Variants in KCNB2 observed in about 807,000 individuals in gnomAD.
KCNB2 encodes potassium voltage-gated channel subfamily B member 2, also known as delayed rectifier potassium channel protein.
Under a neutral mutation model 61.5 loss-of-function variants are expected in KCNB2, and 15 were observed. The ratio of observed to expected loss-of-function variants is 0.24; its 90% CI spans 0.16 to 0.38. The LOEUF (loss-of-function observed/expected upper bound fraction) is 0.38. Ranked by LOEUF, KCNB2 falls within the 10% of genes least tolerant of loss-of-function variation. The pLI is 1.00. For synonymous variants in KCNB2, 457 were observed against 446.0 expected, an observed-to-expected ratio of 1.02 and a Z score of -0.31; for missense variants, 828 against 1,125.2, an observed-to-expected ratio of 0.74 and a Z score of 3.78.
In KCNB2 at chr8:72,708,370, C is replaced by A. The variant is rs189892463; in HGVS notation, c.579+140057C>A. ...TGCAATTGTTGGACAAACAGCTAAG[C>A]GCTCGTGGAGGTGAATCTGCAATTT... On this transcript the variant is annotated intron_variant, in intron 2 of 2. Transcript: ENST00000523207. 7.2e-5 allele frequency among the ~76,000 whole-genome samples: 11 copies of A among 152,280 alleles called. No homozygotes were observed. In the East Asian group the frequency reaches 2.1e-3, roughly 29 times the overall value.
chr8:72,777,488 A>G (rs1056731196), intron 2 of KCNB2, among the ~76,000 whole-genome samples: 1 of 152,164 alleles, frequency 6.6e-6, no homozygotes, highest in Admixed American at 6.5e-5. Context: ...CTAAGGGTTC[A>G]ATGTGCCTTA....
intron 2 of KCNB2, among the ~76,000 whole-genome samples, chr8:72,672,229 C>T (rs1806576792): frequency 1.3e-5 from 2 of 152,246 alleles, no homozygotes; most frequent in South Asian, 4.1e-4. Flanking sequence ...AAAATTATTG[C>T]ATTAAATTAG....
chr8:72,634,632 A>G (rs1805936265), intron 2 of KCNB2, among the ~76,000 whole-genome samples: 2 of 152,192 alleles, frequency 1.3e-5, no homozygotes, highest in African/African-American at 4.8e-5. Flanking sequence ...TTAGGATTTA[A>G]GTATAACTTT....
At chr8:72,604,212 C>T (rs895499390) in intron 2 of KCNB2, among the ~76,000 whole-genome samples, 14 of 152,128 alleles carry the variant, frequency 9.2e-5, no homozygotes, top group African/African-American at 2.2e-4. Flanking sequence ...GTTTTATATA[C>T]GTTAAACGAG....
In KCNB2 at chr8:72,567,704, A is replaced by T; in HGVS notation, c.-31A>T. The T allele has an allele frequency of 6.9e-7, 1 of 1,457,404 alleles. No homozygotes were observed. Among genetic ancestry groups the T allele is most frequent in the Non-Finnish European group, 9.2e-7 (1 of 1,087,424 alleles). 90.3% of individuals were successfully genotyped at this position (1,457,404 alleles called of 1,614,324 possible). On this transcript the variant is annotated 5_prime_UTR_variant, in exon 2 of 3. Coordinates refer to ENST00000523207, the MANE Select transcript of KCNB2 (RefSeq NM_004770.3). ...CTTCAGTTGACCTCATTTTTTAAGG[A>T]CCCTGGCTCTGCGGCTTTGTCCAGT...
intron 2 of KCNB2, among the ~76,000 whole-genome samples, chr8:72,599,902 A>G (rs1282604943): frequency 3.9e-5 from 6 of 152,232 alleles, no homozygotes; most frequent in Non-Finnish European, 8.8e-5. Context: ...ATGAGATACC[A>G]TCTCACACCA....
intron 2 of KCNB2, chr8:72,751,191 T>A (rs2008392): frequency 0.34 from 52,305 of 151,838 alleles, 9,468 homozygotes; most frequent in African/African-American, 0.45. Context: ...ATCCCTACAT[T>A]TCAGTGTAGC....
At chr8:72,912,442 C>T (rs1017718764) in intron 2 of KCNB2, among the ~76,000 whole-genome samples, 5 of 149,916 alleles carry the variant, frequency 3.3e-5, no homozygotes, top group Non-Finnish European at 5.9e-5. Flanking sequence ...CCTACAGTAA[C>T]CTTAGTGCCT....
intron 2 of KCNB2, among the ~76,000 whole-genome samples, chr8:72,577,898 G>C (rs1157003307): frequency 1.3e-5 from 2 of 152,116 alleles, no homozygotes; most frequent in African/African-American, 4.8e-5. Flanking sequence ...GCTCAATTTG[G>C]AATACTGAAG....
chr8:72,771,167 G>T (rs1319277607), intron 2 of KCNB2, among the ~76,000 whole-genome samples: 5 of 152,148 alleles, frequency 3.3e-5, no homozygotes, highest in Non-Finnish European at 7.3e-5. Context: ...TTAAGGAAGG[G>T]ATACATTAAC....
chr8:72,742,442 T>C (rs992222593), intron 2 of KCNB2, among the ~76,000 whole-genome samples: 1 of 152,136 alleles, frequency 6.6e-6, no homozygotes, highest in Admixed American at 6.5e-5. Flanking sequence ...AATTAAGACT[T>C]TACACCCATG....
At chr8:72,604,793 T>A (rs1196605839) in intron 2 of KCNB2, among the ~76,000 whole-genome samples, 1 of 152,258 alleles carries the variant, frequency 6.6e-6, no homozygotes, top group Non-Finnish European at 1.5e-5. Flanking sequence ...AGGTCATCCC[T>A]ATCTTGGATT....
chr8:72,933,207 T>C (rs960994918), intron 2 of KCNB2, among the ~76,000 whole-genome samples: 2 of 152,250 alleles, frequency 1.3e-5, no homozygotes, highest in Non-Finnish European at 2.9e-5. Flanking sequence ...GTCATATTTG[T>C]TAAGCTGTGG....
Position 72,766,270 on chromosome 8 carries a change from G to A in KCNB2, c.580-169665G>A, listed in dbSNP as rs373756696. ...GATTTAAGTGCAACCTGGACATATT[G>A]TGTAAAAGCTTCCCAGAGATTCTCA... On this transcript the variant is annotated intron_variant, in intron 2 of 2. Transcript: ENST00000523207. 2.0e-4 allele frequency among the ~76,000 whole-genome samples: 31 copies of A among 152,288 alleles called. No homozygotes were observed. In the East Asian group the frequency reaches 6.0e-3, roughly 29 times the overall value.
At chr8:72,810,481 C>G (rs1031168891) in intron 2 of KCNB2, among the ~76,000 whole-genome samples, 5 of 152,186 alleles carry the variant, frequency 3.3e-5, no homozygotes, top group Non-Finnish European at 5.9e-5. Context: ...GACCAGCCCT[C>G]CTCTGATGGG....
chr8:72,610,652 C>G (rs1239594158), intron 2 of KCNB2, among the ~76,000 whole-genome samples: 1 of 152,160 alleles, frequency 6.6e-6, no homozygotes, highest in African/African-American at 2.4e-5. Flanking sequence ...ATCCTCACAA[C>G]TGACTCTATG....
intron 2 of KCNB2, among the ~76,000 whole-genome samples, chr8:72,570,486 G>T (rs1168603668): frequency 6.6e-6 from 1 of 151,794 alleles, no homozygotes; most frequent in Non-Finnish European, 1.5e-5. Flanking sequence ...TTTGTCTGAG[G>T]TTTAGAGCCT....
intron 2 of KCNB2, among the ~76,000 whole-genome samples, chr8:72,842,124 TTGAG>T (rs1246867762): frequency 1.5e-4 from 1 of 6,568 alleles, no homozygotes; most frequent in East Asian, 7.0e-4. Context: ...TTATTGAGAG[TTGAG>T]AGTTTTTAGC....
At chr8:72,934,960 G>C (rs1806870595) in intron 2 of KCNB2, among the ~76,000 whole-genome samples, 1 of 151,930 alleles carries the variant, frequency 6.6e-6, no homozygotes, top group Non-Finnish European at 1.5e-5. Context: ...CTTGGCCTTT[G>C]TCCTTCCAGA....
Sources: gnomAD v4.1 joint callset for allele counts (sites outside exome capture counted in the v4.1 genomes callset) on GRCh38, gnomAD v4.1.1 for gene constraint, MANE v1.5 for transcripts, NCBI Gene and HGNC (gene_info 2026-07-23, HGNC 2026-07-21) for gene names.